The following BLOC1S5 variants were observed in gnomAD, a reference collection of about 807,000 sequenced individuals.
The protein encoded by BLOC1S5 is biogenesis of lysosomal organelles complex 1 subunit 5, also known as biogenesis of lysosome-related organelles complex 1 subunit 5.
A neutral mutation model predicts 24.3 loss-of-function variants in BLOC1S5; 27 were observed. The observed-to-expected ratio is 1.11, with a 90% CI of 0.82 to 1.53. BLOC1S5 has a LOEUF of 1.53. Ranked by LOEUF, BLOC1S5 falls within the 40% of genes most tolerant of loss-of-function variation. The probability of loss-of-function intolerance (pLI) is 0.00; values close to 1 mark genes in which losing one functional copy is unlikely to be tolerated. For synonymous variants in BLOC1S5, 84 were observed against 74.5 expected (o/e 1.13, Z -0.66); for missense variants, 239 against 229.4 (o/e 1.04, Z -0.27).
chr6:8,026,193 A>G (rs924428768), intron 4 of BLOC1S5, among the ~76,000 whole-genome samples, 174 bp downstream of exon 4: 1 of 152,254 alleles, frequency 6.6e-6, no homozygotes, highest in Non-Finnish European at 1.5e-5. Context: ...AATTTCAATT[A>G]TAAAAATATT....
intron 2 of BLOC1S5, among the ~76,000 whole-genome samples, chr6:8,049,950 G>A (rs60873483): frequency 0.031 from 4,743 of 152,158 alleles, 232 homozygotes; most frequent in African/African-American, 0.1. Flanking sequence ...GAGCTCAAGC[G>A]ATCCACCCAC....
At chr6:8,059,345 G>A (rs1326219513) in intron 2 of BLOC1S5, among the ~76,000 whole-genome samples, 1 of 152,206 alleles carries the variant, frequency 6.6e-6, no homozygotes, top group Non-Finnish European at 1.5e-5. Flanking sequence ...CCACCATGTG[G>A]TACTTACTCC....
intron 4 of BLOC1S5, among the ~76,000 whole-genome samples, chr6:8,020,672 G>C (rs1360421914): frequency 2.0e-5 from 3 of 152,188 alleles, no homozygotes; most frequent in Non-Finnish European, 4.4e-5. Context: ...AAGCAGAGGA[G>C]AGAAAATGGT....
intron 3 of BLOC1S5, among the ~76,000 whole-genome samples, chr6:8,037,437 C>G (rs1171413807): frequency 6.6e-6 from 1 of 151,890 alleles, no homozygotes; most frequent in Non-Finnish European, 1.5e-5. Context: ...AAGATCTATA[C>G]AAGGAAAACT....
At chr6:8,058,670 A>C (rs1764409448) in intron 2 of BLOC1S5, among the ~76,000 whole-genome samples, 1 of 152,194 alleles carries the variant, frequency 6.6e-6, no homozygotes, top group Non-Finnish European at 1.5e-5. Flanking sequence ...AGGTTGGGTT[A>C]CAGAGCGTGA....
chr6:8,047,428 T>C lies in BLOC1S5; in HGVS notation c.196-6160A>G, dbSNP rs116222105. On this transcript the variant is annotated intron_variant, in intron 2 of 4. Coordinates refer to ENST00000397457, the MANE Select transcript of BLOC1S5 (RefSeq NM_201280.3). ...GTCCCATCTCTCTATAAAAGACATT[T>C]GTTGACCACGCCTGGCCAACAATTT... 4.9e-3 allele frequency among the ~76,000 whole-genome samples: 739 copies of C among 152,270 alleles called. 5 individuals are homozygous for C. The highest frequency in any genetic ancestry group is 0.017 in the African/African-American group (712 of 41,552).
chr6:8,040,360 TAC>T (rs1216648746), intron 3 of BLOC1S5, among the ~76,000 whole-genome samples: 5 of 152,366 alleles, frequency 3.3e-5, no homozygotes, highest in African/African-American at 1.2e-4. Context: ...TATTTTTAAT[TAC>T]AGTCTGTTCT....
At chr6:8,019,708 T>A (rs572269026) in intron 4 of BLOC1S5, among the ~76,000 whole-genome samples, 3 of 152,240 alleles carry the variant, frequency 2.0e-5, no homozygotes, top group Admixed American at 6.5e-5. Context: ...TGAACCTTAG[T>A]TGAGAATGTG....
intron 4 of BLOC1S5, among the ~76,000 whole-genome samples, chr6:8,022,181 C>T (rs747046948): frequency 1.3e-5 from 2 of 150,576 alleles, no homozygotes; most frequent in Non-Finnish European, 3.0e-5. Flanking sequence ...GCATTTTACA[C>T]CCCTCTTCCC....
At chr6:8,022,609 G>A (rs1421587742) in intron 4 of BLOC1S5, among the ~76,000 whole-genome samples, 1 of 108,360 alleles carries the variant, frequency 9.2e-6, no homozygotes, top group Non-Finnish European at 1.8e-5. Context: ...TTTTGAGACG[G>A]AGTCTCGCTC....
intron 4 of BLOC1S5, among the ~76,000 whole-genome samples, chr6:8,018,221 C>A (rs1337998311): frequency 6.6e-6 from 1 of 152,178 alleles, no homozygotes; most frequent in African/African-American, 2.4e-5. Context: ...GATTAGAACT[C>A]TCCAAAAGAT....
chr6:8,020,140 A>G (rs953842946), intron 4 of BLOC1S5, among the ~76,000 whole-genome samples: 3 of 152,268 alleles, frequency 2.0e-5, no homozygotes, highest in Non-Finnish European at 4.4e-5. Context: ...TAAATAACAT[A>G]AAAGTATAGA....
intron 2 of BLOC1S5, among the ~76,000 whole-genome samples, chr6:8,041,642 T>A (rs187799700): frequency 4.7e-5 from 4 of 84,830 alleles, no homozygotes; most frequent in Non-Finnish European, 1.0e-4. Context: ...GTAATTACTT[T>A]CTTTCTTTCT....
intron 3 of BLOC1S5, among the ~76,000 whole-genome samples, chr6:8,030,135 T>A (rs1199470183): frequency 6.6e-6 from 1 of 152,024 alleles, no homozygotes; most frequent in African/African-American, 2.4e-5. Context: ...AGAAAAAAAA[T>A]TCAGAAATTT....
rs146198762 is a variant in BLOC1S5 at position 8,055,813 on chromosome 6, G to A, written c.195+6721C>T. 5.7e-3 allele frequency among the ~76,000 whole-genome samples: 872 copies of A among 152,254 alleles called. 7 individuals are homozygous for A. Among genetic ancestry groups the A allele is most frequent in the African/African-American group, 0.019 (800 of 41,558 alleles). On this transcript the variant is annotated intron_variant, in intron 2 of 4. Coordinates refer to ENST00000397457, the MANE Select transcript of BLOC1S5 (RefSeq NM_201280.3). ...CACCTACTCCTAAGTTGGAGCCTGT[G>A]AAGTCCCCTCCCAGTTTCTGCTGCT...
At chr6:8,041,766 C>A (rs993349047) in intron 2 of BLOC1S5, 1 of 151,620 alleles carries the variant, frequency 6.6e-6, no homozygotes, top group Non-Finnish European at 1.5e-5. Context: ...CCTGCCTCAG[C>A]CTGCCGAGTA....
chr6:8,057,586 C>G (rs1179144683), intron 2 of BLOC1S5, among the ~76,000 whole-genome samples: 1 of 152,172 alleles, frequency 6.6e-6, no homozygotes. Flanking sequence ...TCTACACATA[C>G]TTCTCATGTG....
At chr6:8,035,430 C>G (rs2113549531) in intron 3 of BLOC1S5, among the ~76,000 whole-genome samples, 1 of 151,526 alleles carries the variant, frequency 6.6e-6, no homozygotes, top group East Asian at 1.9e-4. Context: ...GGCACTTCAC[C>G]TATAAAGACA....
intron 4 of BLOC1S5, chr6:8,017,929 T>A (rs1762798069): frequency 6.6e-6 from 1 of 152,220 alleles, no homozygotes. Flanking sequence ...CAAACGGTCT[T>A]CTGAGAGTCT....
Sources: gnomAD v4.1 joint callset for allele counts (sites outside exome capture counted in the v4.1 genomes callset) on GRCh38, gnomAD v4.1.1 for gene constraint, MANE v1.5 for transcripts, NCBI Gene and HGNC (gene_info 2026-07-23, HGNC 2026-07-21) for gene names.